PAK2: variants seen among roughly 807,000 people sequenced by gnomAD.
PAK2 encodes the protein p21 (RAC1) activated kinase 2.
In PAK2, 21 loss-of-function variants were observed where a neutral mutation model predicts 65.9. That is an observed-to-expected ratio of 0.32 (90% CI 0.23 to 0.46). The LOEUF (loss-of-function observed/expected upper bound fraction) is 0.46, where lower values mean the gene tolerates loss of function less well. PAK2 is among the 20% of genes least tolerant of loss of function. The pLI, the probability that PAK2 is intolerant of heterozygous loss-of-function variation, is 1.00. For missense variants in PAK2, 324 were observed against 642.6 expected, an observed-to-expected ratio of 0.50 and a Z score of 5.36; for synonymous variants, 204 against 219.7, an observed-to-expected ratio of 0.93 and a Z score of 0.63.
chr3:196,830,572 A>C lies in PAK2; in HGVS notation c.*2167A>C, dbSNP rs1447834707. ...GCCAACGCCTCGTTTCAGGCTTGTG[A>C]CTCAACAAAGGGCTTTTCCATTGAT... is the stretch of plus-strand genomic sequence containing the variant. On this transcript the variant is annotated 3_prime_UTR_variant, in exon 15 of 15. Coordinates refer to ENST00000327134, the MANE Select transcript of PAK2 (RefSeq NM_002577.4). 2 of 152,200 alleles carry C rather than the reference A, an allele frequency of 1.3e-5. No homozygotes were observed. The highest frequency in any genetic ancestry group is 4.8e-5 in the African/African-American group (2 of 41,442). The allele number at this position is 152,200 out of a possible 1,614,324, so 9.4% of individuals were successfully genotyped here.
intron 14 of PAK2, among the ~76,000 whole-genome samples, chr3:196,827,876 T>G (rs570153881): frequency 6.9e-6 from 1 of 144,292 alleles, no homozygotes; most frequent in East Asian, 2.1e-4. Flanking sequence ...TCCTCAGACC[T>G]GTTTACAGTT....
At chr3:196,755,124 G>A (rs375081256) in intron 1 of PAK2, among the ~76,000 whole-genome samples, 4 of 152,168 alleles carry the variant, frequency 2.6e-5, no homozygotes, top group Admixed American at 6.5e-5. Context: ...GACAGACTAC[G>A]TTGGAGATTT....
chr3:196,803,012 G>GT lies in PAK2; in HGVS notation c.289-3dup, dbSNP rs1257681899. 2 of 1,545,886 alleles carry GT rather than the reference G, an allele frequency of 1.3e-6. No individual in the cohort carries two copies. The highest frequency in any genetic ancestry group is 1.4e-5 in the African/African-American group (1 of 70,810). ...ATAACTAATTTCTGAATATCTTCTT[G>GT]TTAGGGCATGCCAGAACAGTGGGCT... On this transcript the variant is annotated splice_polypyrimidine_tract_variant and splice_region_variant and intron_variant, in intron 3 of 14. Transcript: ENST00000327134.
intron 1 of PAK2, among the ~76,000 whole-genome samples, chr3:196,769,537 C>T (rs573519044): frequency 1.3e-4 from 20 of 151,970 alleles, no homozygotes; most frequent in Admixed American, 2.6e-4. Context: ...CCCGGCCAGG[C>T]GTGGTGGCTC....
At chr3:196,810,894 A>T (rs984302480) in intron 8 of PAK2, among the ~76,000 whole-genome samples, 1 of 152,156 alleles carries the variant, frequency 6.6e-6, no homozygotes, top group African/African-American at 2.4e-5. Flanking sequence ...CCCATCTGTG[A>T]TAATTAGAGG....
At chr3:196,798,810 A>G (rs959968925) in intron 2 of PAK2, among the ~76,000 whole-genome samples, 13 of 152,226 alleles carry the variant, frequency 8.5e-5, no homozygotes, top group African/African-American at 3.1e-4. Flanking sequence ...GTCTCAATAC[A>G]TGGAGAAAAG....
intron 1 of PAK2, among the ~76,000 whole-genome samples, chr3:196,745,436 A>G (rs115696412): frequency 0.013 from 1,922 of 151,900 alleles, 38 homozygotes; most frequent in African/African-American, 0.043. Flanking sequence ...TTGTGTTTCA[A>G]TCTTAATCTT....
chr3:196,786,835 T>C (rs1419502863), intron 2 of PAK2, among the ~76,000 whole-genome samples: 1 of 151,910 alleles, frequency 6.6e-6, no homozygotes, highest in Non-Finnish European at 1.5e-5. Context: ...TCTTTTTTTT[T>C]TTTTCTTTGA....
At chr3:196,811,813 A>C (rs1161779845) in intron 8 of PAK2, among the ~76,000 whole-genome samples, 1 of 152,114 alleles carries the variant, frequency 6.6e-6, no homozygotes, top group Non-Finnish European at 1.5e-5. Context: ...AAATGCATGA[A>C]AATGATGAAC....
At chr3:196,821,556 G>A (rs552903125) in intron 13 of PAK2, among the ~76,000 whole-genome samples, 1 of 151,696 alleles carries the variant, frequency 6.6e-6, no homozygotes, top group East Asian at 2.0e-4. Flanking sequence ...GGTGGTGGGT[G>A]CCTGTAATCC....
At chr3:196,770,366 C>T (rs1714322506) in intron 1 of PAK2, among the ~76,000 whole-genome samples, 1 of 151,654 alleles carries the variant, frequency 6.6e-6, no homozygotes, top group Non-Finnish European at 1.5e-5. Context: ...GAATTTCATT[C>T]CTGAGCCAGT....
At chr3:196,755,186 C>T (rs1056755671) in intron 1 of PAK2, among the ~76,000 whole-genome samples, 2 of 152,152 alleles carry the variant, frequency 1.3e-5, no homozygotes, top group East Asian at 1.9e-4. Flanking sequence ...TTTTTTGAAA[C>T]TTAGGTAATC....
chr3:196,759,498 G>GTTTTTTTTTTTTTTTTTTTTTTTTTTTT lies in PAK2; in HGVS notation c.-22+19353_-22+19380dup, dbSNP rs71301221. Among the ~76,000 whole-genome samples the GTTTTTTTTTTTTTTTTTTTTTTTTTTTT allele has an allele frequency of 5.5e-5, 6 of 108,160 alleles. 1 individual carries two copies. The highest frequency in any genetic ancestry group is 6.7e-3 in the Middle Eastern group (1 of 150). 71.0% of individuals were successfully genotyped at this position (108,160 alleles called of 152,430 possible). ...GGTATACAGTTAAGTGGTTTTTTTT[G>GTTTTTTTTTTTTTTTTTTTTTTTTTTTT]TTTTTTTTTTTTTTTTTTTTTTTTT... On this transcript the variant is annotated intron_variant, in intron 1 of 14. Transcript: ENST00000327134.
intron 1 of PAK2, among the ~76,000 whole-genome samples, chr3:196,775,784 G>A (rs190522916): frequency 2.6e-5 from 4 of 152,286 alleles, no homozygotes; most frequent in East Asian, 1.9e-4. Context: ...TGGCTCAGCC[G>A]TGAAAAAGCC....
intron 1 of PAK2, among the ~76,000 whole-genome samples, chr3:196,741,103 C>T (rs188364711): frequency 6.6e-6 from 1 of 152,198 alleles, no homozygotes; most frequent in African/African-American, 2.4e-5. Context: ...TCTTTGTTTT[C>T]TTTTTTAACC....
In PAK2 at chr3:196,752,884, G is replaced by A. The variant is rs561901235; in HGVS notation, c.-22+12727G>A. Among the ~76,000 whole-genome samples, 9 of 152,118 alleles carry A rather than the reference G, an allele frequency of 5.9e-5. No homozygotes were observed. The South Asian group carries it at 8.3e-4, about 14-fold the overall frequency. On this transcript the variant is annotated intron_variant, in intron 1 of 14. Transcript: ENST00000327134. ...TGGTAGTAAAAGCATGAGCCACCACGTCTGGCCTATTTATTTTTGAGACAA... is the reference window on the plus strand; with the variant it reads ...TGGTAGTAAAAGCATGAGCCACCACATCTGGCCTATTTATTTTTGAGACAA...
At chr3:196,740,391 C>G (rs1052187650) in intron 1 of PAK2, among the ~76,000 whole-genome samples, 6 of 152,188 alleles carry the variant, frequency 3.9e-5, no homozygotes, top group African/African-American at 1.4e-4. Flanking sequence ...GCTCGCTGGG[C>G]TGCGGAGGTC....
chr3:196,750,832 T>G (rs1442358020), intron 1 of PAK2, among the ~76,000 whole-genome samples: 1 of 152,170 alleles, frequency 6.6e-6, no homozygotes, highest in Non-Finnish European at 1.5e-5. Flanking sequence ...ATTTAATGCT[T>G]TCTGTTTTTT....
intron 1 of PAK2, among the ~76,000 whole-genome samples, chr3:196,749,524 C>A (rs1713500239): frequency 6.6e-6 from 1 of 152,090 alleles, no homozygotes; most frequent in Non-Finnish European, 1.5e-5. Flanking sequence ...TACTTATTGA[C>A]CATTTGTATA....
Sources: allele counts gnomAD v4.1 joint callset (sites outside exome capture counted in the v4.1 genomes callset), GRCh38; gene constraint gnomAD v4.1.1; transcripts MANE v1.5; gene names NCBI Gene and HGNC (gene_info 2026-07-23, HGNC 2026-07-21).